DNAH1: variants seen among roughly 807,000 people sequenced by gnomAD.
The protein encoded by DNAH1 is dynein axonemal heavy chain 1, also known as axonemal beta dynein heavy chain 1.
DNAH1 carries 327 observed loss-of-function variants against 484.3 expected under a neutral mutation model. The observed-to-expected ratio is 0.68, with a 90% CI of 0.62 to 0.74. The LOEUF (loss-of-function observed/expected upper bound fraction) is 0.74. DNAH1 is among the 30% of genes least tolerant of loss of function. The probability of loss-of-function intolerance (pLI) is 0.00; values close to 1 mark genes in which losing one functional copy is unlikely to be tolerated. For synonymous variants in DNAH1, 2,192 were observed against 2,191.9 expected, an observed-to-expected ratio of 1.00 and a Z score of 0.00; for missense variants, 5,052 against 5,546.8, an observed-to-expected ratio of 0.91 and a Z score of 2.83.
At chr3:52,343,345 T>C (rs1174275333) in intron 8 of DNAH1, among the ~76,000 whole-genome samples, 1 of 152,068 alleles carries the variant, frequency 6.6e-6, no homozygotes, top group Non-Finnish European at 1.5e-5. Context: ...CTGAGCTTGC[T>C]GGGCTTTTCC....
intron 9 of DNAH1, 89 bp downstream of exon 9, chr3:52,344,736 C>A: frequency 7.2e-7 from 1 of 1,395,654 alleles, no homozygotes; most frequent in Non-Finnish European, 9.7e-7. Context: ...GTCTGCCCTG[C>A]CATTGTGGGC....
At position 52,395,239 on chromosome 3, in the gene DNAH1, G is replaced by A. The variant is rs1704567568; in HGVS notation, c.10969-69G>A. On this transcript the variant is annotated intron_variant, in intron 68 of 77. Transcript: ENST00000420323. This position sits in a 1 kb window ranked among gnomAD's most constrained non-coding sequence, Gnocchi z 4.4. ...ACTGGGGACCACTCTGAGAACCCCAGATCCCCCTCCCTTGCCCCGATCTCT... is the reference window on the plus strand; with the variant it reads ...ACTGGGGACCACTCTGAGAACCCCAAATCCCCCTCCCTTGCCCCGATCTCT... 7 of 1,552,420 alleles carry A rather than the reference G, an allele frequency of 4.5e-6. No individual in the cohort carries two copies. In the East Asian group the frequency reaches 1.7e-4, roughly 37 times the overall value.
At chr3:52,378,551 G>C in intron 46 of DNAH1, 51 bp from the exon 47 acceptor site, 1 of 1,588,246 alleles carries the variant, frequency 6.3e-7, no homozygotes, top group Non-Finnish European at 8.6e-7. Flanking sequence ...CTGCAGAGGC[G>C]GCAGAGGGAG....
Position 52,353,373 on chromosome 3 carries a change from C to G in DNAH1, c.3227-7C>G, listed in dbSNP as rs753398925. On this transcript the variant is annotated splice_region_variant and splice_polypyrimidine_tract_variant and intron_variant, in intron 19 of 77. Transcript: ENST00000420323. This position sits in a 1 kb window ranked among gnomAD's most constrained non-coding sequence, Gnocchi z 5.0. ...TGCCTCTCATGCGTTTCTGTCTTAC[C>G]CGGCAGCCTGCCAGGAAGTGGCCTT... is the stretch of plus-strand genomic sequence containing the variant. 2.5e-6 allele frequency: 4 copies of G among 1,609,218 alleles called. No homozygotes were observed. Among genetic ancestry groups the G allele is most frequent in the Admixed American group, 3.3e-5 (2 of 59,900 alleles).
At chr3:52,331,096 C>T in intron 6 of DNAH1, 52 bp from the exon 7 acceptor site, 1 of 1,542,146 alleles carries the variant, frequency 6.5e-7, no homozygotes, top group Middle Eastern at 1.7e-4. Context: ...TCAGAGGCCC[C>T]TTCCTGCCCC....
intron 8 of DNAH1, among the ~76,000 whole-genome samples, chr3:52,337,986 G>A (rs1197401131): frequency 6.6e-6 from 1 of 152,072 alleles, no homozygotes; most frequent in African/African-American, 2.4e-5. Flanking sequence ...TAGAGACAGG[G>A]TGTCCCTATG....
At chr3:52,393,054 T>C in intron 65 of DNAH1, 29 bp downstream of exon 65, 4 of 1,606,288 alleles carry the variant, frequency 2.5e-6, no homozygotes, top group Non-Finnish European at 2.6e-6. Context: ...GCTCCTACCC[T>C]GCACAGATAT....
At position 52,388,302 on chromosome 3, in the gene DNAH1, C is replaced by A; in HGVS notation, c.9139C>A (p.His3047Asn). Residue 3047 changes from histidine (H) to asparagine (N), a missense_variant, in exon 57 of 78, where the codon CAC (histidine) becomes AAC (asparagine). By Grantham distance (68) the His-to-Asn change is moderately conservative. Around this residue, in one of 4 missense-constraint regions of DNAH1, gnomAD observed 2,929 missense variants for 3,409.4 expected, o/e 0.86. Transcript: ENST00000420323. ...GTGGGTGCGCGCCATGCACAAGTAC[C>A]ACTTTGTGGCCAAGGCCGTGGAGCC... ...CQWVRAMHKY[H>N]FVAKAVEPKR... is the part of the protein sequence containing the mutation. 1 of 1,602,394 alleles carries A rather than the reference C, an allele frequency of 6.2e-7. No homozygotes were observed.
At chr3:52,360,215 C>A in intron 27 of DNAH1, 96 bp from the exon 28 acceptor site, 1 of 1,484,938 alleles carries the variant, frequency 6.7e-7, no homozygotes, top group Non-Finnish European at 9.3e-7. Context: ...TACCTTAATG[C>A]CCTCATTCCC....
Position 52,385,130 on chromosome 3 carries a change from A to C in DNAH1, c.8514+153A>C, listed in dbSNP as rs564220923. On this transcript the variant is annotated intron_variant, in intron 53 of 77. Transcript: ENST00000420323. ...CTTCCCCCCTCATCAAAAGAACAAA[A>C]GTTGCCAGTCAAGGGCCAGGCCAAA... 5.9e-5 allele frequency among the ~76,000 whole-genome samples: 9 copies of C among 152,312 alleles called. No homozygotes were observed. The South Asian group carries it at 1.9e-3, about 32-fold the overall frequency.
In DNAH1 at chr3:52,362,587, T is replaced by C; in HGVS notation, c.5094+86T>C. The C allele has an allele frequency of 8.4e-7, 1 of 1,197,226 alleles. No homozygotes were observed. Among genetic ancestry groups the C allele is most frequent in the Admixed American group, 2.0e-5 (1 of 49,780 alleles). 74.2% of individuals were successfully genotyped at this position (1,197,226 alleles called of 1,614,324 possible). On this transcript the variant is annotated intron_variant, in intron 31 of 77. Transcript: ENST00000420323. The surrounding 1 kb of genome is among the most constrained non-coding windows in gnomAD (Gnocchi z 5.1). ...CTAAGCCACTTATGCAAGGACACAGTTGCTTGGACTCCAGGGACTGTGATT... is the reference window on the plus strand; with the variant it reads ...CTAAGCCACTTATGCAAGGACACAGCTGCTTGGACTCCAGGGACTGTGATT...
chr3:52,398,093 G>T lies in DNAH1; in HGVS notation c.12020G>T (p.Trp4007Leu), dbSNP rs755510806. The part of the protein sequence containing the change: ...LKVPEPINLQ[W>L]VMAKYPVLYE... ...GTGCCTGAGCCTATCAACTTGCAAT[G>T]GGTGATGGCCAAGTACCCAGTGCTG... Residue 4007 changes from tryptophan (W) to leucine (L), a missense_variant, in exon 75 of 78, where the codon TGG becomes TTG. By Grantham distance (61) the Trp-to-Leu change is moderately conservative. Transcript: ENST00000420323. 6.2e-7 allele frequency: 1 copy of T among 1,613,924 alleles called. No individual in the cohort carries two copies. The highest frequency in any genetic ancestry group is 1.3e-5 in the African/African-American group (1 of 75,048).
Position 52,398,046 on chromosome 3 carries a change from C to G in DNAH1, c.11973C>G (p.Val3991=). 6.2e-7 allele frequency: 1 copy of G among 1,613,710 alleles called. No homozygotes were observed. The highest frequency in any genetic ancestry group is 8.5e-7 in the Non-Finnish European group (1 of 1,179,764). The stretch of plus-strand genomic sequence containing the variant: ...TGCCCCTGCAGATAGTGGAGGACGT[C>G]ACCCAAAACATTCTGCTCAAGGTGC... ...SQGREEIVED[V]TQNILLKVPE... is the part of the protein sequence containing the mutation. The change falls in exon 75 of 78, where the codon GTC becomes GTG. Residue 3991 remains valine, a synonymous_variant. Coordinates refer to ENST00000420323, the MANE Select transcript of DNAH1 (RefSeq NM_015512.5).
Position 52,369,889 on chromosome 3 carries a change from G to A in DNAH1, c.6008G>A (p.Cys2003Tyr). 3.1e-6 allele frequency: 5 copies of A among 1,613,986 alleles called. No homozygotes were observed. Among genetic ancestry groups the A allele is most frequent in the Non-Finnish European group, 3.4e-6 (4 of 1,179,872 alleles). Residue 2003 changes from cysteine to tyrosine, a missense_variant, in exon 38 of 78, where the codon TGT becomes TAT. Cys to Tyr is a radical substitution (Grantham distance 194, BLOSUM62 -2). Coordinates refer to ENST00000420323, the MANE Select transcript of DNAH1 (RefSeq NM_015512.5). ...GCTTCACCAGCTACAGTCTCCCGCTGTGGCATGGTGTACCTGGAGCCCAGC... is the reference window on the plus strand; with the variant it reads ...GCTTCACCAGCTACAGTCTCCCGCTATGGCATGGTGTACCTGGAGCCCAGC... The part of the protein sequence containing the change: ...AVASPATVSR[C>Y]GMVYLEPSIL...
At chr3:52,366,915 A>ACC (rs761570819) in intron 36 of DNAH1, 28 bp downstream of exon 36, 24 of 1,585,800 alleles carry the variant, frequency 1.5e-5, no homozygotes. Flanking sequence ...CTCACCGGTG[A>ACC]CCCCCTGCTC....
At chr3:52,377,663 C>G (rs544856614) in intron 46 of DNAH1, among the ~76,000 whole-genome samples, 4 of 152,060 alleles carry the variant, frequency 2.6e-5, no homozygotes, top group African/African-American at 7.2e-5. Flanking sequence ...CAGGCCTGCT[C>G]CCACCTCCAG....
intron 22 of DNAH1, 125 bp from the exon 23 acceptor site, chr3:52,357,489 T>C: frequency 3.9e-6 from 5 of 1,288,430 alleles, no homozygotes; most frequent in Non-Finnish European, 5.3e-6. Flanking sequence ...GGGAGAATTT[T>C]TCTGCATCTT....
Position 52,345,565 on chromosome 3 carries a change from A to G in DNAH1, c.1515A>G (p.Thr505=). 1 of 1,596,742 alleles carries G rather than the reference A, an allele frequency of 6.3e-7. No individual in the cohort carries two copies. The highest frequency in any genetic ancestry group is 8.5e-7 in the Non-Finnish European group (1 of 1,171,308). Residue 505 remains threonine (T), a synonymous_variant, in exon 10 of 78, where the codon ACA becomes ACG. Transcript: ENST00000420323. ...KEDFTFVSLL[T]RPEVITALSK... The stretch of plus-strand genomic sequence containing the variant: ...ACTTCACTTTCGTGTCCCTGCTCAC[A>G]CGGCCAGAGGTCATCACGGCCCTCA...
Position 52,346,663 on chromosome 3 carries a change from G to T in DNAH1, c.1848G>T (p.Gln616His). ...AGGACACACTGCGCTTCCTGGTGCA[G>T]GACTCACTTGCCAGCTTCTCACAGT... ...MLQDTLRFLV[Q>H]DSLASFSQFI... The change falls in exon 11 of 78, where the codon CAG becomes CAT. Residue 616 changes from glutamine (Q) to histidine (H), a missense_variant. Coordinates refer to ENST00000420323, the MANE Select transcript of DNAH1 (RefSeq NM_015512.5). The T allele has an allele frequency of 6.2e-7, 1 of 1,614,058 alleles. No homozygotes were observed. The highest frequency in any genetic ancestry group is 2.2e-5 in the East Asian group (1 of 44,886).
Sources: gnomAD v4.1 joint callset for allele counts (sites outside exome capture counted in the v4.1 genomes callset) on GRCh38, gnomAD v4.1.1 for gene constraint, gnomAD v4.1.1 regional missense constraint, Gnocchi (gnomAD v3.1) non-coding constraint, MANE v1.5 for transcripts, NCBI Gene and HGNC (gene_info 2026-07-23, HGNC 2026-07-21) for gene names.